The following ARHGEF10 variants were observed in gnomAD, a reference collection of about 807,000 sequenced individuals.
The protein encoded by ARHGEF10 is Rho guanine nucleotide exchange factor (GEF) 10.
Under a neutral mutation model 147.4 loss-of-function variants are expected in ARHGEF10, and 140 were observed. The ratio of observed to expected loss-of-function variants is 0.95; its 90% CI spans 0.83 to 1.09. The LOEUF (loss-of-function observed/expected upper bound fraction) is 1.09, where lower values mean the gene tolerates loss of function less well. Among genes scored for constraint, ARHGEF10 ranks in the 50% least tolerant of loss-of-function variants. The pLI is 0.00. For synonymous variants in ARHGEF10, 902 were observed against 695.8 expected, an observed-to-expected ratio of 1.30 and a Z score of -4.67; for missense variants, 2,222 against 1,752.7, an observed-to-expected ratio of 1.27 and a Z score of -4.78.
At chr8:1,902,949 C>G (rs538431757) in intron 15 of ARHGEF10, among the ~76,000 whole-genome samples, 3 of 152,338 alleles carry the variant, frequency 2.0e-5, no homozygotes, top group African/African-American at 7.2e-5. Flanking sequence ...GTTCATCTGT[C>G]TGACTCAACT....
intron 13 of ARHGEF10, 119 bp downstream of exon 13, chr8:1,894,691 T>C: frequency 1.7e-6 from 2 of 1,165,706 alleles, no homozygotes; most frequent in Non-Finnish European, 2.5e-6. Flanking sequence ...TGCAGTTCTC[T>C]CTAAAGGCCA....
At chr8:1,872,197 C>T (rs1442935185) in intron 7 of ARHGEF10, among the ~76,000 whole-genome samples, 1 of 152,078 alleles carries the variant, frequency 6.6e-6, no homozygotes, top group African/African-American at 2.4e-5. Context: ...TTAAAAATTG[C>T]CTTGAAGAAT....
chr8:1,926,559 G>T (rs766806371), intron 23 of ARHGEF10, 96 bp downstream of exon 23: 3 of 1,167,816 alleles, frequency 2.6e-6, no homozygotes, highest in South Asian at 1.2e-5. Flanking sequence ...GCTCAGTAGA[G>T]AGTTGGCGGT....
At chr8:1,844,695 G>A (rs995470540) in intron 2 of ARHGEF10, among the ~76,000 whole-genome samples, 2 of 152,054 alleles carry the variant, frequency 1.3e-5, no homozygotes, top group Non-Finnish European at 2.9e-5. Flanking sequence ...CCTTTTTGTC[G>A]CCATGGTGCT....
intron 1 of ARHGEF10, among the ~76,000 whole-genome samples, chr8:1,839,140 C>T (rs1803774451): frequency 6.8e-6 from 1 of 148,062 alleles, no homozygotes; most frequent in Non-Finnish European, 1.5e-5. Flanking sequence ...TGGAAACTGT[C>T]TGGTATGGGG....
At chr8:1,945,296 A>G (rs1814475908) in intron 26 of ARHGEF10, among the ~76,000 whole-genome samples, 185 bp from the exon 27 acceptor site, 1 of 152,162 alleles carries the variant, frequency 6.6e-6, no homozygotes, top group African/African-American at 2.4e-5. Flanking sequence ...AGCCAGGATG[A>G]TTGGAAAATG....
intron 7 of ARHGEF10, among the ~76,000 whole-genome samples, chr8:1,875,823 C>G (rs919508280): frequency 6.6e-6 from 1 of 152,140 alleles, no homozygotes; most frequent in African/African-American, 2.4e-5. Flanking sequence ...TGCTTAATTA[C>G]TAAGGATTTT....
Position 1,861,501 on chromosome 8 carries a change from G to A in ARHGEF10, c.481+1317G>A, listed in dbSNP as rs183502702. On this transcript the variant is annotated intron_variant, in intron 4 of 28. Transcript: ENST00000349830. ...TCTATGCTGTCTTTCCCAGGAACGCGCTGCAGGATTCCCAGGGTTCATGGG... is the reference window on the plus strand; with the variant it reads ...TCTATGCTGTCTTTCCCAGGAACGCACTGCAGGATTCCCAGGGTTCATGGG... Among the ~76,000 whole-genome samples, 47 of 152,280 alleles carry A rather than the reference G, an allele frequency of 3.1e-4. No individual in the cohort carries two copies. The East Asian group carries it at 7.7e-3, about 25-fold the overall frequency.
intron 20 of ARHGEF10, 38 bp downstream of exon 20, chr8:1,923,633 T>A (rs1036531218): frequency 6.2e-6 from 10 of 1,614,012 alleles, no homozygotes; most frequent in Non-Finnish European, 8.5e-6. Flanking sequence ...TCTTGGCCAA[T>A]GCTGGGGAGA....
In ARHGEF10 at chr8:1,923,837, C is replaced by T. The variant is rs771673088; in HGVS notation, c.2451C>T (p.Ser817=). Residue 817 remains serine (S), a synonymous_variant, in exon 21 of 29, where the codon TCC becomes TCT. Transcript: ENST00000349830. ...CGTTCACCCCTGCCATCAAGGAGTCCTGGGTCAACAGCTTACAGATGGCCA... is the reference window on the plus strand; with the variant it reads ...CGTTCACCCCTGCCATCAAGGAGTCTTGGGTCAACAGCTTACAGATGGCCA... The part of the protein sequence containing the change: ...FNTFTPAIKE[S]WVNSLQMAKL... 5.6e-6 allele frequency: 9 copies of T among 1,613,992 alleles called. No individual in the cohort carries two copies. Among genetic ancestry groups the T allele is most frequent in the Non-Finnish European group, 7.6e-6 (9 of 1,180,040 alleles).
At chr8:1,862,518 A>T (rs574850922) in intron 4 of ARHGEF10, among the ~76,000 whole-genome samples, 1 of 152,262 alleles carries the variant, frequency 6.6e-6, no homozygotes, top group East Asian at 1.9e-4. Flanking sequence ...CCTCCTTCTG[A>T]CCTTGACAGA....
intron 28 of ARHGEF10, among the ~76,000 whole-genome samples, chr8:1,954,959 TCCC>T (rs1815365180): frequency 1.5e-5 from 2 of 134,942 alleles, no homozygotes; most frequent in African/African-American, 2.7e-5. Context: ...AGCCAGGTGC[TCCC>T]TGAAAGGAGG....
At chr8:1,872,424 C>A (rs993505496) in intron 7 of ARHGEF10, among the ~76,000 whole-genome samples, 2 of 152,164 alleles carry the variant, frequency 1.3e-5, no homozygotes, top group African/African-American at 4.8e-5. Context: ...ATAATGTTAG[C>A]AGAAACTTGT....
chr8:1,890,582 G>C (rs1585419572), intron 11 of ARHGEF10, among the ~76,000 whole-genome samples: 1 of 140,776 alleles, frequency 7.1e-6, no homozygotes, highest in East Asian at 2.1e-4. Flanking sequence ...AGTGTGTAAG[G>C]GTCTGTGAGG....
chr8:1,957,056 A>C lies in ARHGEF10; in HGVS notation c.3828A>C (p.Ser1276=). 1.2e-6 allele frequency: 2 copies of C among 1,613,868 alleles called. No individual in the cohort carries two copies. Among genetic ancestry groups the C allele is most frequent in the Non-Finnish European group, 1.7e-6 (2 of 1,180,026 alleles). Residue 1276 remains serine, a synonymous_variant, in exon 29 of 29, where the codon TCA becomes TCC. Transcript: ENST00000349830. ...GCTCCAGCTCTCTAGAGCACAGATC[A>C]GAGGACAGCACCATCTATGATCTCC... ...SHGSSSLEHR[S]EDSTIYDLLK...
intron 16 of ARHGEF10, chr8:1,904,353 C>T (rs1810718671): frequency 2.6e-5 from 4 of 152,158 alleles, no homozygotes; most frequent in Admixed American, 2.6e-4. Context: ...ATCTAATATT[C>T]ATTATTGCTA....
At chr8:1,853,480 T>C (rs1437690145) in intron 2 of ARHGEF10, among the ~76,000 whole-genome samples, 1 of 152,214 alleles carries the variant, frequency 6.6e-6, no homozygotes, top group Non-Finnish European at 1.5e-5. Flanking sequence ...TGAGCATCTT[T>C]TCTAGTTTGC....
rs116907137 is a variant in ARHGEF10, at chr8:1,871,412, G to A, written c.679+2162G>A. Among the ~76,000 whole-genome samples the A allele has an allele frequency of 3.1e-3, 475 of 151,940 alleles. 1 individual carries two copies. Among genetic ancestry groups the A allele is most frequent in the Non-Finnish European group, 4.8e-3 (328 of 67,964 alleles). On this transcript the variant is annotated intron_variant, in intron 7 of 28. Coordinates refer to ENST00000349830, the MANE Select transcript of ARHGEF10 (RefSeq NM_014629.4). ...AATGATATACTACTCTGTAACTCAT[G>A]GTCAAAGATAAAATGGAAATGAAAA...
rs1017908547 is a variant in ARHGEF10 at position 1,937,015 on chromosome 8, C to T, written c.3222+3073C>T. On this transcript the variant is annotated intron_variant, in intron 26 of 28. Transcript: ENST00000349830. This position sits in a 1 kb window ranked among gnomAD's most constrained non-coding sequence, Gnocchi z 4.9. ...GGGTCCTGAGCCTCCTGGAGGCCGA[C>T]GCTCTGCCGTGGATCATGAATAGCA... Among the ~76,000 whole-genome samples, 1 of 152,180 alleles carries T rather than the reference C, an allele frequency of 6.6e-6. No homozygotes were observed. The highest frequency in any genetic ancestry group is 1.5e-5 in the Non-Finnish European group (1 of 68,026).
Sources: gnomAD v4.1 joint callset for allele counts (sites outside exome capture counted in the v4.1 genomes callset) on GRCh38, gnomAD v4.1.1 for gene constraint, Gnocchi (gnomAD v3.1) non-coding constraint, MANE v1.5 for transcripts, NCBI Gene and HGNC (gene_info 2026-07-23, HGNC 2026-07-21) for gene names.